TRIM4: variants seen among roughly 807,000 people sequenced by gnomAD.
TRIM4 encodes the protein tripartite motif containing 4.
TRIM4 carries 29 observed loss-of-function variants against 33.7 expected under a neutral mutation model. The ratio of observed to expected loss-of-function variants is 0.86; its 90% CI spans 0.64 to 1.17. TRIM4 has a LOEUF of 1.17. Among genes scored for constraint, TRIM4 ranks in the 50% most tolerant of loss-of-function variants. The pLI is 0.00. For missense variants in TRIM4, 554 were observed against 593.7 expected (o/e 0.93, Z 0.69); for synonymous variants, 224 against 233.0 (o/e 0.96, Z 0.35).
rs538523116 is a variant in TRIM4 at position 99,892,064 on chromosome 7, C to T, written c.*99G>A. ...CCGTTAGGGAGACCCAGAAGATGGA[C>T]CATCCAGGATAGAGACATGAAGGGC... On this transcript the variant is annotated 3_prime_UTR_variant, in exon 6 of 6. Transcript: ENST00000349062. 3.1e-5 allele frequency: 34 copies of T among 1,086,014 alleles called. No individual in the cohort carries two copies. In the African/African-American group the frequency reaches 4.9e-4, roughly 16 times the overall value. The allele number at this position is 1,086,014 out of a possible 1,614,324, so 67.3% of individuals were successfully genotyped here.
intron 5 of TRIM4, among the ~76,000 whole-genome samples, chr7:99,900,473 G>A (rs764342795): frequency 4.6e-5 from 7 of 152,114 alleles, no homozygotes; most frequent in Non-Finnish European, 8.8e-5. Context: ...ACTTACCATC[G>A]CAATTCCTTT....
chr7:99,917,476 T>A (rs192175407), intron 1 of TRIM4, among the ~76,000 whole-genome samples: 1 of 152,304 alleles, frequency 6.6e-6, no homozygotes, highest in East Asian at 1.9e-4. Flanking sequence ...TCCCAGCACT[T>A]TGGGAGGCCA....
intron 5 of TRIM4, among the ~76,000 whole-genome samples, chr7:99,896,495 C>T (rs1028201958): frequency 2.6e-5 from 4 of 152,238 alleles, no homozygotes; most frequent in Non-Finnish European, 5.9e-5. Flanking sequence ...AACTGGTTTT[C>T]GTGTCCAGCC....
At chr7:99,914,349 G>C (rs745906777) in intron 1 of TRIM4, among the ~76,000 whole-genome samples, 1 of 152,182 alleles carries the variant, frequency 6.6e-6, no homozygotes, top group African/African-American at 2.4e-5. Flanking sequence ...GTAGAGATGG[G>C]ATCTCACAGT....
Position 99,897,502 on chromosome 7 carries a change from T to C in TRIM4, c.842-4756A>G, listed in dbSNP as rs1045130234. Among the ~76,000 whole-genome samples, 11 of 152,314 alleles carry C rather than the reference T, an allele frequency of 7.2e-5. 1 individual carries two copies. Among genetic ancestry groups the C allele is most frequent in the Admixed American group, 3.3e-4 (5 of 15,310 alleles). ...ATGCTAATTACCCTGATTTTATCAT[T>C]ATGCACTGTATACATGTATTGAAAC... On this transcript the variant is annotated intron_variant, in intron 5 of 5. Coordinates refer to ENST00000349062, the MANE Select transcript of TRIM4 (RefSeq NM_033091.3).
chr7:99,899,438 T>G (rs1192007237), intron 5 of TRIM4, among the ~76,000 whole-genome samples: 1 of 152,194 alleles, frequency 6.6e-6, no homozygotes, highest in African/African-American at 2.4e-5. Flanking sequence ...CATGTCTCAT[T>G]CACTACTCCA....
intron 5 of TRIM4, among the ~76,000 whole-genome samples, chr7:99,893,207 T>C (rs764848920): frequency 3.9e-5 from 6 of 152,042 alleles, no homozygotes; most frequent in Non-Finnish European, 7.4e-5. Context: ...GCGGAGGTTG[T>C]AGTGACCCGA....
intron 5 of TRIM4, among the ~76,000 whole-genome samples, 193 bp from the exon 6 acceptor site, chr7:99,892,939 C>A (rs946511549): frequency 6.6e-6 from 1 of 152,190 alleles, no homozygotes; most frequent in Non-Finnish European, 1.5e-5. Context: ...GTCCTCATTT[C>A]CCTTCTGCTC....
At chr7:99,913,908 C>CCTTGA (rs1297716223) in intron 1 of TRIM4, among the ~76,000 whole-genome samples, 1 of 152,138 alleles carries the variant, frequency 6.6e-6, no homozygotes, top group African/African-American at 2.4e-5. Context: ...AGCAAGTCAG[C>CCTTGA]CTTGCTTATT....
At chr7:99,900,709 A>AT (rs34360797) in intron 5 of TRIM4, among the ~76,000 whole-genome samples, 58,923 of 151,850 alleles carry the variant, frequency 0.39, 12,025 homozygotes, top group Non-Finnish European at 0.46. Flanking sequence ...TTTGAAGGAT[A>AT]TTTTTTGCCA....
At chr7:99,912,747 T>C (rs1487527538) in intron 1 of TRIM4, among the ~76,000 whole-genome samples, 1 of 152,202 alleles carries the variant, frequency 6.6e-6, no homozygotes, top group African/African-American at 2.4e-5. Flanking sequence ...ACAAAATTCT[T>C]CCAACTTTGA....
intron 1 of TRIM4, among the ~76,000 whole-genome samples, chr7:99,915,957 G>C (rs189753117): frequency 6.6e-6 from 1 of 152,252 alleles, no homozygotes; most frequent in East Asian, 1.9e-4. Flanking sequence ...CTGTGACCTC[G>C]GGGGCATGTA....
In TRIM4 at chr7:99,892,784, A is replaced by T. The variant is rs368498146; in HGVS notation, c.842-38T>A. On this transcript the variant is annotated intron_variant, in intron 5 of 5. Coordinates refer to ENST00000349062, the MANE Select transcript of TRIM4 (RefSeq NM_033091.3). ...TGAGAGCTAAGTAGTGCAGCAGCTTATCATCAACCCTTCCCCAGAAATGCC... is the reference window on the plus strand; with the variant it reads ...TGAGAGCTAAGTAGTGCAGCAGCTTTTCATCAACCCTTCCCCAGAAATGCC... 3 of 1,523,576 alleles carry T rather than the reference A, an allele frequency of 2.0e-6. No individual in the cohort carries two copies. In the East Asian group the frequency reaches 6.8e-5, roughly 34 times the overall value. The allele number at this position is 1,523,576 out of a possible 1,614,324, so 94.4% of individuals were successfully genotyped here.
chr7:99,918,218 G>A (rs1411893633), intron 1 of TRIM4, among the ~76,000 whole-genome samples: 1 of 152,190 alleles, frequency 6.6e-6, no homozygotes, highest in Non-Finnish European at 1.5e-5. Flanking sequence ...ACTGCTATGT[G>A]TTGTAAATGT....
intron 1 of TRIM4, among the ~76,000 whole-genome samples, chr7:99,910,240 C>T (rs1043245663): frequency 6.6e-6 from 1 of 152,148 alleles, no homozygotes; most frequent in African/African-American, 2.4e-5. Context: ...AGGCCTCTGG[C>T]ACCACAGGAG....
Position 99,919,228 on chromosome 7 carries a change from G to T in TRIM4, c.174C>A (p.Pro58=). The T allele has an allele frequency of 6.6e-7, 1 of 1,521,892 alleles. No individual in the cohort carries two copies. The allele number at this position is 1,521,892 out of a possible 1,614,324, so 94.3% of individuals were successfully genotyped here. The change falls in exon 1 of 6, where the codon CCC becomes CCA. Residue 58 remains proline (P), a synonymous_variant. Coordinates refer to ENST00000349062, the MANE Select transcript of TRIM4 (RefSeq NM_033091.3). ...PCPECRHPSA[P]AALRPNWALA... is the part of the protein sequence containing the mutation. ...GGGCCCAGTTGGGTCGCAGCGCGGC[G>T]GGCGCCGATGGGTGCCGACATTCGG...
At chr7:99,918,152 C>A (rs943519239) in intron 1 of TRIM4, among the ~76,000 whole-genome samples, 1 of 152,222 alleles carries the variant, frequency 6.6e-6, no homozygotes, top group African/African-American at 2.4e-5. Flanking sequence ...CAGACAGGCA[C>A]TGTCCAATAC....
intron 1 of TRIM4, among the ~76,000 whole-genome samples, chr7:99,914,576 C>T (rs554342049): frequency 4.6e-5 from 7 of 152,280 alleles, no homozygotes; most frequent in South Asian, 2.1e-4. Context: ...ATAAGCTGAC[C>T]GCTGCCTACA....
At chr7:99,909,332 A>C (rs1314581936) in intron 2 of TRIM4, among the ~76,000 whole-genome samples, 3 of 152,162 alleles carry the variant, frequency 2.0e-5, no homozygotes, top group African/African-American at 7.2e-5. Flanking sequence ...CACTAGCAGC[A>C]GGGACAGGTA....
Sources: gnomAD v4.1 joint callset for allele counts (sites outside exome capture counted in the v4.1 genomes callset) on GRCh38, gnomAD v4.1.1 for gene constraint, MANE v1.5 for transcripts, NCBI Gene and HGNC (gene_info 2026-07-23, HGNC 2026-07-21) for gene names.